The following TENM2 variants were observed in gnomAD, a reference collection of about 807,000 sequenced individuals.
TENM2 encodes teneurin transmembrane protein 2.
Under a neutral mutation model 245.2 loss-of-function variants are expected in TENM2, and 52 were observed. That is an observed-to-expected ratio of 0.21 (90% CI 0.17 to 0.27). The LOEUF (loss-of-function observed/expected upper bound fraction) is 0.27, where lower values mean the gene tolerates loss of function less well. TENM2 is among the 10% of genes least tolerant of loss of function. TENM2 has a pLI of 1.00. For synonymous variants in TENM2, 1,363 were observed against 1,438.9 expected (o/e 0.95, Z 1.19); for missense variants, 3,046 against 3,666.8 (o/e 0.83, Z 4.37).
Position 167,583,689 on chromosome 5 carries a change from A to G in TENM2, c.502+208216A>G, listed in dbSNP as rs543689394. Among the ~76,000 whole-genome samples, 18 of 152,300 alleles carry G rather than the reference A, an allele frequency of 1.2e-4. 1 individual carries two copies. In the South Asian group the frequency reaches 3.5e-3, roughly 30 times the overall value. On this transcript the variant is annotated intron_variant, in intron 2 of 28. Transcript: ENST00000518659. Reference sequence around the variant, plus strand: ...TAATCTAGCAATTATTAAATCAAGAAGATATGCTGTGTTTCCTGTCCTCAA... The same window carrying G: ...TAATCTAGCAATTATTAAATCAAGAGGATATGCTGTGTTTCCTGTCCTCAA...
chr5:167,577,896 A>G (rs566000888), intron 2 of TENM2, among the ~76,000 whole-genome samples: 1 of 152,190 alleles, frequency 6.6e-6, no homozygotes, highest in Non-Finnish European at 1.5e-5. Flanking sequence ...TCCCTCCCTT[A>G]GGAGAGCAGG....
At chr5:167,866,120 A>G (rs1772299992) in intron 2 of TENM2, among the ~76,000 whole-genome samples, 1 of 152,222 alleles carries the variant, frequency 6.6e-6, no homozygotes, top group Admixed American at 6.5e-5. Context: ...TGTCCTGGGT[A>G]CCAGTGAGTG....
At chr5:167,768,535 T>C (rs1763190818) in intron 2 of TENM2, among the ~76,000 whole-genome samples, 2 of 152,206 alleles carry the variant, frequency 1.3e-5, no homozygotes, top group South Asian at 2.1e-4. Flanking sequence ...TTTTATTTAT[T>C]TGGGATGTTT....
rs115552149 is a variant in TENM2, at chr5:168,060,662, C to T, written c.1310-1398C>T. On this transcript the variant is annotated intron_variant, in intron 6 of 28. Coordinates refer to ENST00000518659, the Ensembl canonical transcript of TENM2. ...CTTTATTTTAAGTCCCTGCTGGCTT[C>T]GTATTGAGCTGCATAAAAATCAATC... 2.4e-3 allele frequency among the ~76,000 whole-genome samples: 365 copies of T among 152,198 alleles called. 2 individuals are homozygous for T. Among genetic ancestry groups the T allele is most frequent in the African/African-American group, 8.2e-3 (341 of 41,524 alleles).
intron 3 of TENM2, among the ~76,000 whole-genome samples, chr5:167,929,074 AAAGAAAGAAAGAAAGAAAG>A (rs1778035427): frequency 3.1e-5 from 2 of 64,208 alleles, no homozygotes; most frequent in Admixed American, 1.5e-4. Flanking sequence ...AGAAAGAAAG[AAAGAAAGAAAGAAAGAAAG>A]AAAGAAAGAA....
At chr5:167,537,172 G>A (rs1771904817) in intron 2 of TENM2, among the ~76,000 whole-genome samples, 1 of 151,058 alleles carries the variant, frequency 6.6e-6, no homozygotes, top group Non-Finnish European at 1.5e-5. Flanking sequence ...AGCACTTTGG[G>A]AGGCCGAGGT....
intron 2 of TENM2, among the ~76,000 whole-genome samples, chr5:167,705,041 C>CT (rs1445347455): frequency 1.3e-5 from 2 of 152,118 alleles, no homozygotes; most frequent in Non-Finnish European, 2.9e-5. Flanking sequence ...AACTGTGTTG[C>CT]TTTGAGTTTG....
intron 3 of TENM2, among the ~76,000 whole-genome samples, chr5:167,898,307 G>A (rs1432432754): frequency 6.6e-6 from 1 of 152,086 alleles, no homozygotes; most frequent in Non-Finnish European, 1.5e-5. Flanking sequence ...GGAAATTCTA[G>A]GGGTGGGGCC....
chr5:168,004,549 A>ACACAC (rs1784678664), intron 5 of TENM2, among the ~76,000 whole-genome samples: 4 of 149,308 alleles, frequency 2.7e-5, no homozygotes, highest in African/African-American at 9.9e-5. Context: ...ACACACACAC[A>ACACAC]CACACACACC....
intron 14 of TENM2, among the ~76,000 whole-genome samples, chr5:168,192,073 C>T (rs990293026): frequency 4.6e-5 from 7 of 152,110 alleles, no homozygotes; most frequent in South Asian, 2.1e-4. Flanking sequence ...TACCTCCTAG[C>T]GATATCATGT....
chr5:167,552,910 G>T (rs1193056902), intron 2 of TENM2, among the ~76,000 whole-genome samples: 1 of 128,948 alleles, frequency 7.8e-6, no homozygotes, highest in Non-Finnish European at 1.6e-5. Flanking sequence ...ATGTGCAATG[G>T]TAAGTTAATA....
intron 9 of TENM2, among the ~76,000 whole-genome samples, chr5:168,108,280 G>A (rs7708268): frequency 9.2e-5 from 14 of 152,190 alleles, no homozygotes; most frequent in African/African-American, 1.7e-4. Context: ...CACAATTTAC[G>A]TGCATTATGT....
At chr5:167,896,195 T>C (rs1047274156) in intron 3 of TENM2, among the ~76,000 whole-genome samples, 1 of 152,172 alleles carries the variant, frequency 6.6e-6, no homozygotes, top group African/African-American at 2.4e-5. Flanking sequence ...CTGATTGGCA[T>C]CCTAATCATG....
chr5:167,053,751 C>T, the TENM2 span, among the ~76,000 whole-genome samples: 1 of 152,074 alleles, frequency 6.6e-6, no homozygotes. Flanking sequence ...TGATTTTTTC[C>T]ATCCACTTTA....
intron 8 of TENM2, among the ~76,000 whole-genome samples, chr5:168,092,713 CTTTAG>C (rs1157682478): frequency 6.6e-6 from 1 of 152,180 alleles, no homozygotes; most frequent in East Asian, 1.9e-4. Context: ...TTTTAAAAAT[CTTTAG>C]TTTAAGAACA....
chr5:167,819,450 C>G (rs1292072624), intron 2 of TENM2, among the ~76,000 whole-genome samples: 1 of 152,170 alleles, frequency 6.6e-6, no homozygotes, highest in Non-Finnish European at 1.5e-5. Context: ...TTGACTTTCC[C>G]CAAGCTGACT....
At chr5:167,499,716 G>A (rs1285065945) in intron 2 of TENM2, among the ~76,000 whole-genome samples, 1 of 152,098 alleles carries the variant, frequency 6.6e-6, no homozygotes, top group Non-Finnish European at 1.5e-5. Flanking sequence ...CCATAGATAT[G>A]AAATGCATGC....
the TENM2 span, among the ~76,000 whole-genome samples, chr5:167,091,303 G>C: frequency 3.3e-5 from 5 of 152,202 alleles, no homozygotes; most frequent in East Asian, 9.6e-4. Flanking sequence ...CATATGTATG[G>C]ATAACTGTCA....
the TENM2 span, among the ~76,000 whole-genome samples, chr5:167,169,181 G>A: frequency 1.3e-5 from 2 of 152,094 alleles, no homozygotes; most frequent in African/African-American, 2.4e-5. Flanking sequence ...GCTTCCTCTG[G>A]TGGCAGAGGA....
Sources: allele counts gnomAD v4.1 joint callset (sites outside exome capture counted in the v4.1 genomes callset), GRCh38; gene constraint gnomAD v4.1.1; transcripts MANE v1.5; gene names NCBI Gene and HGNC (gene_info 2026-07-23, HGNC 2026-07-21).